The following MYOCD variants were observed in gnomAD, a reference collection of about 807,000 sequenced individuals.
The protein encoded by MYOCD is myocardin.
In MYOCD, 32 loss-of-function variants were observed where a neutral mutation model predicts 96.1. The ratio of observed to expected loss-of-function variants is 0.33; its 90% CI spans 0.25 to 0.45. The LOEUF is 0.45. Ranked by LOEUF, MYOCD falls within the 20% of genes least tolerant of loss-of-function variation. MYOCD has a pLI of 1.00. For missense variants in MYOCD, 1,133 were observed against 1,200.6 expected, an observed-to-expected ratio of 0.94 and a Z score of 0.83; for synonymous variants, 469 against 469.0, an observed-to-expected ratio of 1.00 and a Z score of 0.00.
In MYOCD at chr17:12,753,125, C is replaced by G. The variant is rs1053162204; in HGVS notation, c.1837C>G (p.His613Asp). The G allele has an allele frequency of 1.2e-6, 2 of 1,614,046 alleles. No individual in the cohort carries two copies. The highest frequency in any genetic ancestry group is 1.7e-6 in the Non-Finnish European group (2 of 1,180,030). ...TCAACTCCAGCCTCTTGGAAATGCT[C>G]ATTGTGTGGAGTCCTCAGATCAAAC... The part of the protein sequence containing the change: ...AAQLQPLGNA[H>D]CVESSDQTNV... Residue 613 changes from histidine (H) to aspartate (D), a missense_variant, in exon 10 of 14, where the codon CAT (histidine) becomes GAT (aspartate). Transcript: ENST00000425538.
At chr17:12,744,524 A>T in intron 8 of MYOCD, 88 bp downstream of exon 8, 1 of 1,485,888 alleles carries the variant, frequency 6.7e-7, no homozygotes, top group South Asian at 1.4e-5. Context: ...CATGGGGCCT[A>T]GCAAGTCCTG....
intron 7 of MYOCD, 124 bp from the exon 8 acceptor site, chr17:12,744,059 C>T: frequency 8.6e-7 from 1 of 1,161,676 alleles, no homozygotes; most frequent in Non-Finnish European, 1.2e-6. Context: ...CATGCCTTTG[C>T]TATATTATAT....
At chr17:12,738,740 A>G (rs1410239927) in intron 6 of MYOCD, among the ~76,000 whole-genome samples, 1 of 151,626 alleles carries the variant, frequency 6.6e-6, no homozygotes, top group African/African-American at 2.4e-5. Flanking sequence ...CTTTCCCCCC[A>G]AATTCCTACA....
At chr17:12,745,804 G>A (rs1038634806) in intron 8 of MYOCD, 115 bp from the exon 9 acceptor site, 2 of 1,075,604 alleles carry the variant, frequency 1.9e-6, no homozygotes, top group Non-Finnish European at 2.7e-6. Context: ...GGTCTCTTCT[G>A]CTGGTTTATT....
chr17:12,764,267 T>C lies in MYOCD; in HGVS notation c.*623T>C, dbSNP rs2033272269. The C allele has an allele frequency of 6.6e-6, 1 of 152,256 alleles. No individual in the cohort carries two copies. Among genetic ancestry groups the C allele is most frequent in the South Asian group, 2.1e-4 (1 of 4,828 alleles). The allele number at this position is 152,256 out of a possible 1,614,324, so 9.4% of individuals were successfully genotyped here. ...CCCTGCTGGAGTGGTTCTGAACCTG[T>C]ACCCAGGACTCGATGTGGTCACTAA... On this transcript the variant is annotated 3_prime_UTR_variant, in exon 14 of 14. Transcript: ENST00000425538.
chr17:12,678,721 A>T (rs1910257389), intron 1 of MYOCD, among the ~76,000 whole-genome samples: 1 of 151,832 alleles, frequency 6.6e-6, no homozygotes, highest in Admixed American at 6.6e-5. Context: ...TTTGAGATGG[A>T]GTCTCACTCT....
In MYOCD at chr17:12,743,801, G is replaced by T. The variant is rs540598143; in HGVS notation, c.718-382G>T. 2.0e-5 allele frequency among the ~76,000 whole-genome samples: 3 copies of T among 152,206 alleles called. No homozygotes were observed. In the East Asian group the frequency reaches 5.8e-4, roughly 29 times the overall value. ...GGTGTGAGCCATCGCTCCCAGCCAT[G>T]AAAGAACTTTCTACAAGTAGTCTCA... On this transcript the variant is annotated intron_variant, in intron 7 of 13. Transcript: ENST00000425538.
intron 5 of MYOCD, among the ~76,000 whole-genome samples, chr17:12,731,317 C>T (rs1481669612): frequency 6.6e-6 from 1 of 152,156 alleles, no homozygotes; most frequent in African/African-American, 2.4e-5. Flanking sequence ...CCAGCCTTTC[C>T]ACCCACACTC....
At chr17:12,719,919 C>A (rs1483223685) in intron 4 of MYOCD, among the ~76,000 whole-genome samples, 1 of 150,414 alleles carries the variant, frequency 6.6e-6, no homozygotes, top group Non-Finnish European at 1.5e-5. Context: ...TAAAAGAATT[C>A]TCGGTGGAAT....
Position 12,712,520 on chromosome 17 carries a change from C to T in MYOCD, c.122-2999C>T, listed in dbSNP as rs576776086. 3.9e-5 allele frequency among the ~76,000 whole-genome samples: 6 copies of T among 152,240 alleles called. No homozygotes were observed. In the South Asian group the frequency reaches 6.2e-4, roughly 16 times the overall value. On this transcript the variant is annotated intron_variant, in intron 2 of 13. Transcript: ENST00000425538. ...TTTTTCTGGGATCCTGCTGGAGGCA[C>T]GAGGTTACAGTGGAGAGCAGAGGAC...
At chr17:12,692,220 T>C (rs1346250593) in intron 1 of MYOCD, among the ~76,000 whole-genome samples, 1 of 152,232 alleles carries the variant, frequency 6.6e-6, no homozygotes, top group African/African-American at 2.4e-5. Flanking sequence ...AGCCAATGTT[T>C]CAGGCAGTAA....
At chr17:12,690,368 G>A (rs908966026) in intron 1 of MYOCD, among the ~76,000 whole-genome samples, 5 of 152,040 alleles carry the variant, frequency 3.3e-5, no homozygotes, top group East Asian at 3.9e-4. Flanking sequence ...TAATAAGGTC[G>A]TAGTGAAGTT....
chr17:12,666,563 G>C (rs1034764509), intron 1 of MYOCD, among the ~76,000 whole-genome samples: 11 of 152,092 alleles, frequency 7.2e-5, no homozygotes, highest in Admixed American at 2.0e-4. Flanking sequence ...AACAAATAAG[G>C]GATTTCAAGT....
At position 12,717,811 on chromosome 17, in the gene MYOCD, G is replaced by A. The variant is rs141517108; in HGVS notation, c.253+390G>A. On this transcript the variant is annotated intron_variant, in intron 4 of 13. Coordinates refer to ENST00000425538, the MANE Select transcript of MYOCD (RefSeq NM_001146312.3). ...CTCTGTATTCTCCAGGTAATTGATT[G>A]TCCTTTGCTGATGCCTTTACCTTCT... Among the ~76,000 whole-genome samples, 300 of 152,276 alleles carry A rather than the reference G, an allele frequency of 2.0e-3. 3 individuals are homozygous for A. The East Asian group carries it at 0.02, about 10-fold the overall frequency.
At chr17:12,699,805 A>G (rs965697558) in intron 1 of MYOCD, among the ~76,000 whole-genome samples, 1 of 151,896 alleles carries the variant, frequency 6.6e-6, no homozygotes, top group Non-Finnish European at 1.5e-5. Flanking sequence ...ACGCAGATAT[A>G]GTTGCATACA....
intron 1 of MYOCD, among the ~76,000 whole-genome samples, chr17:12,673,988 T>G (rs1909864698): frequency 1.3e-5 from 2 of 151,976 alleles, no homozygotes. Context: ...GTCTGCTATT[T>G]AGGGACCACG....
At chr17:12,701,919 A>G (rs2150670405) in intron 1 of MYOCD, among the ~76,000 whole-genome samples, 1 of 152,242 alleles carries the variant, frequency 6.6e-6, no homozygotes, top group South Asian at 2.1e-4. Context: ...AACATACTCT[A>G]TATGAGAGCA....
chr17:12,677,896 GTT>G (rs541655363), intron 1 of MYOCD, among the ~76,000 whole-genome samples: 3,429 of 129,272 alleles, frequency 0.027, 103 homozygotes, highest in African/African-American at 0.093. Context: ...TTTCTTTTTT[GTT>G]TTTTTTTTTT....
rs1174891284 is a variant in MYOCD at position 12,752,938 on chromosome 17, G to A, written c.1650G>A (p.Gln550=). 1 of 1,614,158 alleles carries A rather than the reference G, an allele frequency of 6.2e-7. No individual in the cohort carries two copies. The highest frequency in any genetic ancestry group is 2.2e-5 in the East Asian group (1 of 44,866). ...TGGAGGAGCTGAGGATGCAGCTTCA[G>A]AAGCAGAAAAGGAATAACTGTTCAG... The part of the protein sequence containing the change: ...RQVEELRMQL[Q]KQKRNNCSEK... Residue 550 remains glutamine (Q), a synonymous_variant, in exon 10 of 14, where the codon CAG becomes CAA. Coordinates refer to ENST00000425538, the MANE Select transcript of MYOCD (RefSeq NM_001146312.3).
Sources: gnomAD v4.1 joint callset for allele counts (sites outside exome capture counted in the v4.1 genomes callset) on GRCh38, gnomAD v4.1.1 for gene constraint, MANE v1.5 for transcripts, NCBI Gene and HGNC (gene_info 2026-07-23, HGNC 2026-07-21) for gene names.